Variants in CNTNAP2 observed in about 807,000 individuals in gnomAD.
The protein encoded by CNTNAP2 is contactin associated protein 2.
A neutral mutation model predicts 155.2 loss-of-function variants in CNTNAP2; 98 were observed. The observed-to-expected ratio is 0.63, with a 90% confidence interval of 0.54 to 0.75. The LOEUF (loss-of-function observed/expected upper bound fraction) is 0.75. Among genes scored for constraint, CNTNAP2 ranks in the 30% least tolerant of loss-of-function variants. The probability of loss-of-function intolerance (pLI) is 0.00; values close to 1 mark genes in which losing one functional copy is unlikely to be tolerated. For missense variants in CNTNAP2, 1,727 were observed against 1,688.1 expected, an observed-to-expected ratio of 1.02 and a Z score of -0.40; for synonymous variants, 651 against 631.2, an observed-to-expected ratio of 1.03 and a Z score of -0.47.
chr7:148,045,285 A>T (rs1802755570), intron 15 of CNTNAP2, among the ~76,000 whole-genome samples: 1 of 149,310 alleles, frequency 6.7e-6, no homozygotes, highest in Admixed American at 6.6e-5. Flanking sequence ...GGGTCTCAGG[A>T]GTTACCCAAG....
intron 16 of CNTNAP2, among the ~76,000 whole-genome samples, chr7:148,136,044 G>GAAA (rs1804940920): frequency 2.2e-5 from 2 of 91,444 alleles, no homozygotes; most frequent in Admixed American, 1.1e-4. Flanking sequence ...AGGGAGGGAG[G>GAAA]GAGGGGAAGG....
intron 13 of CNTNAP2, among the ~76,000 whole-genome samples, chr7:147,745,489 A>G (rs1469153139): frequency 6.6e-6 from 1 of 152,168 alleles, no homozygotes; most frequent in Non-Finnish European, 1.5e-5. Flanking sequence ...ACCAACCCCA[A>G]TCATAAACAT....
Position 148,147,588 on chromosome 7 carries a change from G to A in CNTNAP2, c.2652G>A (p.Arg884=), listed in dbSNP as rs750979550. 1.2e-5 allele frequency: 20 copies of A among 1,614,096 alleles called. No individual in the cohort carries two copies. In the East Asian group the frequency reaches 4.5e-4, roughly 36 times the overall value. Residue 884 remains arginine, a synonymous_variant, in exon 17 of 24, where the codon CGG becomes CGA. Transcript: ENST00000361727. ...PTPLNDDQWH[R]VTAERNVKQA... ...CTCTCAACGATGACCAGTGGCACCG[G>A]GTCACTGCAGAGAGGAATGTCAAGC...
At chr7:147,139,199 A>G (rs1344418709) in intron 8 of CNTNAP2, among the ~76,000 whole-genome samples, 1 of 152,126 alleles carries the variant, frequency 6.6e-6, no homozygotes, top group African/African-American at 2.4e-5. Context: ...GTACAGAATG[A>G]TGTCCTGAAG....
intron 15 of CNTNAP2, among the ~76,000 whole-genome samples, chr7:148,071,322 CA>C (rs1458841920): frequency 1.3e-5 from 2 of 151,358 alleles, no homozygotes; most frequent in East Asian, 1.9e-4. Flanking sequence ...ACTAAAAATA[CA>C]AAAAAAAATT....
At chr7:146,534,879 T>C (rs1375473456) in intron 1 of CNTNAP2, among the ~76,000 whole-genome samples, 1 of 149,998 alleles carries the variant, frequency 6.7e-6, no homozygotes, top group African/African-American at 2.5e-5. Context: ...TTTTCTTCCA[T>C]AGCTCATAAA....
At chr7:146,920,793 G>C (rs922662083) in intron 3 of CNTNAP2, among the ~76,000 whole-genome samples, 1 of 152,112 alleles carries the variant, frequency 6.6e-6, no homozygotes, top group Non-Finnish European at 1.5e-5. Flanking sequence ...TTTTGTTTAA[G>C]TGCACGAGTT....
At chr7:147,250,293 T>G (rs1804167573) in intron 8 of CNTNAP2, among the ~76,000 whole-genome samples, 2 of 152,110 alleles carry the variant, frequency 1.3e-5, no homozygotes, top group South Asian at 4.1e-4. Context: ...AAGTAAAACT[T>G]TTGGAAGGAT....
At chr7:147,464,647 A>G (rs554006865) in intron 10 of CNTNAP2, among the ~76,000 whole-genome samples, 1 of 152,244 alleles carries the variant, frequency 6.6e-6, no homozygotes, top group African/African-American at 2.4e-5. Context: ...TCTAAATTTT[A>G]CCACTCCATT....
chr7:147,746,120 T>C (rs1797039152), intron 13 of CNTNAP2, among the ~76,000 whole-genome samples: 1 of 152,334 alleles, frequency 6.6e-6, no homozygotes, highest in South Asian at 2.1e-4. Flanking sequence ...ACATTTTACC[T>C]TTACGTGCTT....
At chr7:148,341,957 G>C (rs771383023) in intron 21 of CNTNAP2, among the ~76,000 whole-genome samples, 4 of 152,200 alleles carry the variant, frequency 2.6e-5, no homozygotes, top group Non-Finnish European at 5.9e-5. Context: ...CCCGAGGTTT[G>C]TGTTGTGCCC....
chr7:146,192,169 G>T (rs547628403), intron 1 of CNTNAP2, among the ~76,000 whole-genome samples: 5 of 152,104 alleles, frequency 3.3e-5, no homozygotes, highest in African/African-American at 4.8e-5. Context: ...CGGTCCCTCC[G>T]TTCGGGGTCC....
intron 18 of CNTNAP2, chr7:148,190,947 A>G (rs372846652): frequency 6.6e-6 from 1 of 152,288 alleles, no homozygotes; most frequent in South Asian, 2.1e-4. Context: ...AATTATTAGG[A>G]CGATAATAAA....
At chr7:147,979,554 A>G (rs1246763844) in intron 15 of CNTNAP2, among the ~76,000 whole-genome samples, 1 of 152,210 alleles carries the variant, frequency 6.6e-6, no homozygotes, top group Non-Finnish European at 1.5e-5. Context: ...CCCATTAAAT[A>G]ATTGATTAAC....
At chr7:148,370,417 C>T (rs1585316084) in intron 21 of CNTNAP2, among the ~76,000 whole-genome samples, 1 of 152,220 alleles carries the variant, frequency 6.6e-6, no homozygotes, top group Admixed American at 6.5e-5. Flanking sequence ...GCCCCACCTT[C>T]TAGCAGAGTG....
At chr7:146,145,228 A>G (rs1299147885) in intron 1 of CNTNAP2, among the ~76,000 whole-genome samples, 1 of 152,182 alleles carries the variant, frequency 6.6e-6, no homozygotes, top group African/African-American at 2.4e-5. Context: ...AAGAATGAAG[A>G]TTCAAGGGCC....
chr7:146,396,054 C>T (rs115927544), intron 1 of CNTNAP2, among the ~76,000 whole-genome samples: 4 of 152,176 alleles, frequency 2.6e-5, no homozygotes, highest in African/African-American at 9.6e-5. Flanking sequence ...TCAATATCTT[C>T]AATTATCATA....
chr7:147,540,586 T>G (rs1799621540), intron 11 of CNTNAP2, among the ~76,000 whole-genome samples: 1 of 152,048 alleles, frequency 6.6e-6, no homozygotes, highest in African/African-American at 2.4e-5. Flanking sequence ...TCACTACTTA[T>G]AAAAAGGGAA....
intron 8 of CNTNAP2, among the ~76,000 whole-genome samples, chr7:147,176,751 A>G (rs1353110581): frequency 8.3e-6 from 1 of 120,298 alleles, no homozygotes; most frequent in Non-Finnish European, 1.7e-5. Flanking sequence ...TAATTATAAT[A>G]TATAATTATA....
Sources: gnomAD v4.1 joint callset for allele counts (sites outside exome capture counted in the v4.1 genomes callset) on GRCh38, gnomAD v4.1.1 for gene constraint, MANE v1.5 for transcripts, NCBI Gene and HGNC (gene_info 2026-07-23, HGNC 2026-07-21) for gene names.